The following JAM3 variants were observed in gnomAD, a reference collection of about 807,000 sequenced individuals.
JAM3 encodes junctional adhesion molecule C.
Under a neutral mutation model 39.4 loss-of-function variants are expected in JAM3, and 31 were observed. That is an observed-to-expected ratio of 0.79 (90% confidence interval 0.59 to 1.06). JAM3 has a LOEUF of 1.06. JAM3 is among the 50% of genes least tolerant of loss of function. The probability of loss-of-function intolerance (pLI) is 0.00; values close to 1 mark genes in which losing one functional copy is unlikely to be tolerated. For missense variants in JAM3, 455 were observed against 391.4 expected, an observed-to-expected ratio of 1.16 and a Z score of -1.37; for synonymous variants, 182 against 148.7, an observed-to-expected ratio of 1.22 and a Z score of -1.63.
chr11:134,124,382 AAAT>A (rs2120787103), intron 1 of JAM3: 1 of 632,776 alleles, frequency 1.6e-6, no homozygotes, highest in South Asian at 1.9e-5. Flanking sequence ...AAAGTGAAAG[AAAT>A]CAATAAATCA....
intron 6 of JAM3, among the ~76,000 whole-genome samples, chr11:134,147,511 G>A (rs2120373154): frequency 6.7e-6 from 1 of 149,040 alleles, no homozygotes; most frequent in Admixed American, 6.6e-5. Flanking sequence ...TTTTGAGATG[G>A]AGTCTCGCTC....
chr11:134,134,230 G>GAA (rs1347533989), intron 1 of JAM3, among the ~76,000 whole-genome samples: 1 of 151,884 alleles, frequency 6.6e-6, no homozygotes, highest in Non-Finnish European at 1.5e-5. Context: ...GAATATACAA[G>GAA]AAGTGGGCAA....
intron 1 of JAM3, among the ~76,000 whole-genome samples, chr11:134,094,807 GTAT>G (rs1248275835): frequency 3.9e-5 from 6 of 152,148 alleles, no homozygotes; most frequent in African/African-American, 1.4e-4. Context: ...GTTTATTTGT[GTAT>G]TATTAGAAGG....
At chr11:134,141,852 C>G (rs1312441420) in intron 3 of JAM3, among the ~76,000 whole-genome samples, 1 of 151,734 alleles carries the variant, frequency 6.6e-6, no homozygotes, top group Non-Finnish European at 1.5e-5. Context: ...CACATGCAGG[C>G]TCGTGCATGA....
At chr11:134,112,675 T>C (rs1286816189) in intron 1 of JAM3, among the ~76,000 whole-genome samples, 1 of 152,148 alleles carries the variant, frequency 6.6e-6, no homozygotes, top group Non-Finnish European at 1.5e-5. Context: ...ACCCCAATTA[T>C]AGACAAGGAA....
At chr11:134,089,145 G>C (rs1565484289) in intron 1 of JAM3, among the ~76,000 whole-genome samples, 1 of 152,116 alleles carries the variant, frequency 6.6e-6, no homozygotes, top group Non-Finnish European at 1.5e-5. Flanking sequence ...GCTGCCTTAG[G>C]TGTATGCTGA....
At chr11:134,148,731 C>T in intron 7 of JAM3, 33 bp from the exon 8 acceptor site, 1 of 1,614,052 alleles carries the variant, frequency 6.2e-7, no homozygotes, top group Non-Finnish European at 8.5e-7. Flanking sequence ...AATATAACAA[C>T]CCTGTTGCTA....
chr11:134,121,992 G>C lies in JAM3; in HGVS notation c.77-17859G>C, dbSNP rs138327326. Reference sequence around the variant, plus strand: ...TCTTGAGTCTATATTAATGGAATCTGTTGTTGTGTTTTGAAATGGAGAATT... The same window carrying C: ...TCTTGAGTCTATATTAATGGAATCTCTTGTTGTGTTTTGAAATGGAGAATT... On this transcript the variant is annotated intron_variant, in intron 1 of 8. Transcript: ENST00000299106. Among the ~76,000 whole-genome samples, 1,338 of 152,246 alleles carry C rather than the reference G, an allele frequency of 8.8e-3. 20 individuals carry two copies. Among genetic ancestry groups the C allele is most frequent in the African/African-American group, 0.03 (1,241 of 41,538 alleles).
intron 1 of JAM3, among the ~76,000 whole-genome samples, chr11:134,107,756 G>A (rs977273337): frequency 5.9e-5 from 9 of 152,026 alleles, no homozygotes. Flanking sequence ...CCAGCTACTT[G>A]GGACATCGGG....
rs368182355 is a variant in JAM3, at chr11:134,093,681, A to G, written c.76+24522A>G. Among the ~76,000 whole-genome samples the G allele has an allele frequency of 2.4e-5, 3 of 123,910 alleles. No homozygotes were observed. The East Asian group carries it at 9.8e-4, about 40-fold the overall frequency. The allele number at this position is 123,910 out of a possible 152,430, so 81.3% of individuals were successfully genotyped here. A position where few individuals can be genotyped will look rare whatever the true frequency, so the allele number is the denominator to read the frequency against. ...GGGAAGCTTCTCCTGAGCCCTCCTT[A>G]TTCATCATGTTCCACCTTACATGTC... is the stretch of plus-strand genomic sequence containing the variant. On this transcript the variant is annotated intron_variant, in intron 1 of 8. Coordinates refer to ENST00000299106, the MANE Select transcript of JAM3 (RefSeq NM_032801.5).
chr11:134,112,089 AATTT>A (rs1360223728), intron 1 of JAM3, among the ~76,000 whole-genome samples: 4 of 152,108 alleles, frequency 2.6e-5, no homozygotes, highest in South Asian at 2.1e-4. Flanking sequence ...ACGGTAAAGC[AATTT>A]ATTTATTTAT....
At chr11:134,119,423 T>C (rs1942495058) in intron 1 of JAM3, among the ~76,000 whole-genome samples, 1 of 152,184 alleles carries the variant, frequency 6.6e-6, no homozygotes, top group Non-Finnish European at 1.5e-5. Flanking sequence ...TGAAATGACT[T>C]AAGATTTTTC....
At chr11:134,091,339 A>T (rs1784393) in intron 1 of JAM3, among the ~76,000 whole-genome samples, 3 of 152,028 alleles carry the variant, frequency 2.0e-5, no homozygotes, top group African/African-American at 7.3e-5. Context: ...ACTAAAAATT[A>T]AAAAAATTAG....
At chr11:134,140,271 G>A (rs144820695) in intron 2 of JAM3, among the ~76,000 whole-genome samples, 2,999 of 152,170 alleles carry the variant, frequency 0.02, 99 homozygotes, top group African/African-American at 0.069. Context: ...ACAGGCACCC[G>A]CCACCACACC....
intron 1 of JAM3, among the ~76,000 whole-genome samples, chr11:134,112,839 T>C (rs1024612208): frequency 6.6e-6 from 1 of 152,130 alleles, no homozygotes; most frequent in African/African-American, 2.4e-5. Context: ...TGACCTCCAA[T>C]ATGAATGGAG....
chr11:134,137,526 G>A (rs1217948004), intron 1 of JAM3, among the ~76,000 whole-genome samples: 2 of 152,344 alleles, frequency 1.3e-5, no homozygotes, highest in East Asian at 3.9e-4. Flanking sequence ...CACCTCTCAG[G>A]TCCTTGATGG....
chr11:134,104,873 A>G (rs1171149948), intron 1 of JAM3, among the ~76,000 whole-genome samples: 1 of 152,148 alleles, frequency 6.6e-6, no homozygotes, highest in Admixed American at 6.5e-5. Flanking sequence ...ATAGCCTACC[A>G]ACCAAAAAAA....
intron 1 of JAM3, among the ~76,000 whole-genome samples, chr11:134,107,722 G>A (rs902320159): frequency 6.6e-6 from 1 of 152,014 alleles, no homozygotes; most frequent in Non-Finnish European, 1.5e-5. Context: ...AATGAGCCAG[G>A]CATGGTGGTA....
chr11:134,090,315 T>G (rs1239030322), intron 1 of JAM3, among the ~76,000 whole-genome samples: 47 of 152,246 alleles, frequency 3.1e-4, no homozygotes, highest in Non-Finnish European at 6.0e-4. Flanking sequence ...TTTAATTAGA[T>G]CCCATTTGTC....
Sources: gnomAD v4.1 joint callset for allele counts (sites outside exome capture counted in the v4.1 genomes callset) on GRCh38, gnomAD v4.1.1 for gene constraint, MANE v1.5 for transcripts, NCBI Gene and HGNC (gene_info 2026-07-23, HGNC 2026-07-21) for gene names.